Variants in SEMA6D observed in about 807,000 individuals in gnomAD.
SEMA6D encodes semaphorin 6D.
In SEMA6D, 35 loss-of-function variants were observed where a neutral mutation model predicts 106.6. The ratio of observed to expected loss-of-function variants is 0.33; its 90% CI spans 0.25 to 0.44. SEMA6D has a LOEUF of 0.44. Among genes scored for constraint, SEMA6D ranks in the 20% least tolerant of loss-of-function variants. The pLI, the probability that SEMA6D is intolerant of heterozygous loss-of-function variation, is 1.00. For synonymous variants in SEMA6D, 499 were observed against 487.7 expected, an observed-to-expected ratio of 1.02 and a Z score of -0.31; for missense variants, 1,185 against 1,345.9, an observed-to-expected ratio of 0.88 and a Z score of 1.87.
intron 2 of SEMA6D, among the ~76,000 whole-genome samples, chr15:47,450,323 G>A (rs572953968): frequency 1.3e-5 from 2 of 152,146 alleles, no homozygotes; most frequent in Admixed American, 1.3e-4. Context: ...TGTGCTAGAT[G>A]ATACTGGAAT....
chr15:47,623,904 T>C (rs2077155954), intron 4 of SEMA6D, among the ~76,000 whole-genome samples: 1 of 152,212 alleles, frequency 6.6e-6, no homozygotes, highest in Admixed American at 6.5e-5. Flanking sequence ...AATTTTCCCA[T>C]GAAACGAACT....
At chr15:47,323,698 T>C (rs561045959) in intron 1 of SEMA6D, among the ~76,000 whole-genome samples, 3 of 152,286 alleles carry the variant, frequency 2.0e-5, no homozygotes, top group East Asian at 3.9e-4. Context: ...CTTGTCTACC[T>C]AGGAATTTGT....
At chr15:47,187,027 A>G (rs1001300674) in intron 1 of SEMA6D, among the ~76,000 whole-genome samples, 2 of 152,186 alleles carry the variant, frequency 1.3e-5, no homozygotes, top group Non-Finnish European at 2.9e-5. Flanking sequence ...TTGTGAAGCC[A>G]TAATTTCACT....
At chr15:47,348,772 T>G (rs903879170) in intron 1 of SEMA6D, among the ~76,000 whole-genome samples, 3 of 80,644 alleles carry the variant, frequency 3.7e-5, no homozygotes, top group African/African-American at 2.1e-4. Flanking sequence ...AGAGATTTTT[T>G]CCTGCTATGC....
At chr15:47,549,626 GT>G (rs146224126) in intron 3 of SEMA6D, among the ~76,000 whole-genome samples, 1 of 151,050 alleles carries the variant, frequency 6.6e-6, no homozygotes, top group Non-Finnish European at 1.5e-5. Flanking sequence ...TTCACCATGG[GT>G]TTTTTTTTGG....
At chr15:47,714,545 A>G (rs1051721292), upstream of SEMA6D, among the ~76,000 whole-genome samples, 2 of 152,212 alleles carry the variant, frequency 1.3e-5, no homozygotes, top group African/African-American at 2.4e-5. Flanking sequence ...TATGCTTCAA[A>G]CTGGACTGTA....
At chr15:47,232,440 C>T (rs1398143528) in intron 1 of SEMA6D, among the ~76,000 whole-genome samples, 3 of 151,600 alleles carry the variant, frequency 2.0e-5, no homozygotes, top group African/African-American at 7.3e-5. Context: ...CTACTGTAGC[C>T]GTAGCAGTTA....
At chr15:47,583,198 T>A (rs958809467) in intron 3 of SEMA6D, among the ~76,000 whole-genome samples, 1 of 152,196 alleles carries the variant, frequency 6.6e-6, no homozygotes, top group African/African-American at 2.4e-5. Flanking sequence ...GCTAAACACG[T>A]GAGTTCCATG....
At chr15:47,645,512 T>C (rs1236619113) in intron 4 of SEMA6D, among the ~76,000 whole-genome samples, 1 of 151,654 alleles carries the variant, frequency 6.6e-6, no homozygotes, top group Non-Finnish European at 1.5e-5. Flanking sequence ...AGTTTTTTTT[T>C]TCTTCTTCTT....
At position 47,461,216 on chromosome 15, in the gene SEMA6D, A is replaced by G. The variant is rs74454491; in HGVS notation, c.-158-9258A>G. 6.2e-3 allele frequency among the ~76,000 whole-genome samples: 950 copies of G among 152,180 alleles called. 8 individuals are homozygous for G. Among genetic ancestry groups the G allele is most frequent in the African/African-American group, 0.022 (915 of 41,542 alleles). On this transcript the variant is annotated intron_variant, in intron 2 of 19. Coordinates refer to the SEMA6D transcript ENST00000558014. ...TTTGGTGACCACATTGCCTAAAATA[A>G]TGGCATCCCCACCTGCACCTCATCA...
At chr15:47,252,226 T>G (rs2033562886) in intron 1 of SEMA6D, among the ~76,000 whole-genome samples, 1 of 152,186 alleles carries the variant, frequency 6.6e-6, no homozygotes. Context: ...AAATTATTAT[T>G]GAGTGTTGCG....
intron 1 of SEMA6D, among the ~76,000 whole-genome samples, chr15:47,215,109 A>G (rs1372305246): frequency 6.6e-6 from 1 of 151,314 alleles, no homozygotes; most frequent in Admixed American, 6.6e-5. Context: ...ATAAATTGGA[A>G]TGGTATTCTT....
chr15:47,668,911 T>A (rs895682827), intron 4 of SEMA6D, among the ~76,000 whole-genome samples: 1 of 152,338 alleles, frequency 6.6e-6, no homozygotes, highest in South Asian at 2.1e-4. Flanking sequence ...GCAGTGCAAT[T>A]CTGACGTTAA....
At chr15:47,677,190 GGGGACCCC>G (rs1339176095) in intron 4 of SEMA6D, among the ~76,000 whole-genome samples, 11 of 152,128 alleles carry the variant, frequency 7.2e-5, no homozygotes, top group African/African-American at 2.7e-4. Context: ...CCTGGAGGTT[GGGGACCCC>G]TGTTGTAAAG....
chr15:47,403,180 G>A (rs189595559), intron 1 of SEMA6D, among the ~76,000 whole-genome samples: 48 of 152,196 alleles, frequency 3.2e-4, no homozygotes, highest in African/African-American at 1.1e-3. Flanking sequence ...CAGAATCCCT[G>A]TGTTGGCTGG....
chr15:47,350,719 G>A (rs752194120), intron 1 of SEMA6D, among the ~76,000 whole-genome samples: 12 of 152,142 alleles, frequency 7.9e-5, no homozygotes, highest in Non-Finnish European at 1.8e-4. Flanking sequence ...TAAAAGAACT[G>A]TAGCTGTTTT....
chr15:47,405,351 A>T (rs1297959889), intron 1 of SEMA6D, among the ~76,000 whole-genome samples: 2 of 152,152 alleles, frequency 1.3e-5, no homozygotes, highest in East Asian at 3.9e-4. Flanking sequence ...GGCAGATTCC[A>T]GCCTGTTACA....
chr15:47,303,425 TTC>T (rs2036101176), intron 1 of SEMA6D, among the ~76,000 whole-genome samples: 1 of 152,208 alleles, frequency 6.6e-6, no homozygotes, highest in South Asian at 2.1e-4. Context: ...ACTTCCTCAC[TTC>T]TTCAAGTCTT....
intron 1 of SEMA6D, among the ~76,000 whole-genome samples, chr15:47,363,629 C>T (rs1025844723): frequency 3.9e-5 from 6 of 152,024 alleles, no homozygotes; most frequent in Non-Finnish European, 7.4e-5. Context: ...GACCAGGGGG[C>T]GATTTCATCA....
Sources: allele counts gnomAD v4.1 joint callset (sites outside exome capture counted in the v4.1 genomes callset), GRCh38; gene constraint gnomAD v4.1.1; transcripts MANE v1.5; gene names NCBI Gene and HGNC (gene_info 2026-07-23, HGNC 2026-07-21).